The following SGMS1 variants were observed in gnomAD, a reference collection of about 807,000 sequenced individuals.
SGMS1 encodes sphingomyelin synthase 1.
SGMS1 carries 13 observed loss-of-function variants against 46.2 expected under a neutral mutation model. The ratio of observed to expected loss-of-function variants is 0.28; its 90% CI spans 0.18 to 0.45. The LOEUF (loss-of-function observed/expected upper bound fraction) is 0.45. Among genes scored for constraint, SGMS1 ranks in the 20% least tolerant of loss-of-function variants. SGMS1 has a pLI of 1.00. For synonymous variants in SGMS1, 203 were observed against 187.8 expected, an observed-to-expected ratio of 1.08 and a Z score of -0.66; for missense variants, 324 against 519.9, an observed-to-expected ratio of 0.62 and a Z score of 3.66.
chr10:50,429,457 A>G (rs1339059327), intron 6 of SGMS1, among the ~76,000 whole-genome samples: 1 of 152,184 alleles, frequency 6.6e-6, no homozygotes, highest in African/African-American at 2.4e-5. Context: ...TTGACACAAC[A>G]ACAATATTGC....
intron 6 of SGMS1, among the ~76,000 whole-genome samples, chr10:50,394,743 C>T (rs1233178987): frequency 1.3e-5 from 2 of 152,228 alleles, no homozygotes; most frequent in Admixed American, 1.3e-4. Flanking sequence ...TTTACAATGA[C>T]TTTCAGGCTG....
chr10:50,364,920 C>A (rs1342615940), intron 6 of SGMS1, among the ~76,000 whole-genome samples: 1 of 152,050 alleles, frequency 6.6e-6, no homozygotes, highest in African/African-American at 2.4e-5. Flanking sequence ...AACCTGAGGA[C>A]TTTGGAAGGC....
In SGMS1 at chr10:50,527,088, AAG is replaced by A. The variant is rs1350524825; in HGVS notation, c.-588-7169_-588-7168del. ...CAAAAAAAAAAAAAAAAAAAAAAAA[AAG>A]AAAGAAAGAAAAGAAAAAGAACTGG... On this transcript the variant is annotated intron_variant, in intron 2 of 10. Coordinates refer to ENST00000361781, the MANE Select transcript of SGMS1 (RefSeq NM_147156.4). Among the ~76,000 whole-genome samples the A allele has an allele frequency of 2.4e-4, 34 of 140,526 alleles. 1 individual carries two copies. Among genetic ancestry groups the A allele is most frequent in the African/African-American group, 8.9e-4 (29 of 32,608 alleles). The allele number at this position is 140,526 out of a possible 152,430, so 92.2% of individuals were successfully genotyped here. A position where few individuals can be genotyped will look rare whatever the true frequency, so the allele number is the denominator to read the frequency against.
chr10:50,327,001 A>AAAC (rs11270643), intron 8 of SGMS1, among the ~76,000 whole-genome samples: 1 of 22,414 alleles, frequency 4.5e-5, no homozygotes, highest in African/African-American at 9.5e-4. Flanking sequence ...TCCAACACAC[A>AAAC]TTTCCCCAGT....
At chr10:50,309,557 C>G (rs1301849725) in intron 9 of SGMS1, among the ~76,000 whole-genome samples, 1 of 152,162 alleles carries the variant, frequency 6.6e-6, no homozygotes, top group African/African-American at 2.4e-5. Flanking sequence ...AATCCCTCCC[C>G]CAGGGGTGCT....
At chr10:50,460,066 C>G (rs1837245479) in intron 5 of SGMS1, 1 of 152,060 alleles carries the variant, frequency 6.6e-6, no homozygotes, top group East Asian at 1.9e-4. Flanking sequence ...GCATCCAAAG[C>G]CAGACATCCA....
chr10:50,588,006 G>A (rs1414102429), intron 2 of SGMS1, among the ~76,000 whole-genome samples: 2 of 152,028 alleles, frequency 1.3e-5, no homozygotes, highest in Admixed American at 6.6e-5. Flanking sequence ...GGACTAGACA[G>A]GACCCCATAT....
intron 2 of SGMS1, among the ~76,000 whole-genome samples, chr10:50,545,027 G>A (rs920367928): frequency 6.6e-6 from 1 of 152,194 alleles, no homozygotes; most frequent in African/African-American, 2.4e-5. Context: ...CTGTTGCTCT[G>A]AGGTGAAAAT....
intron 2 of SGMS1, among the ~76,000 whole-genome samples, chr10:50,573,429 CATTTACAGT>C (rs1222044553): frequency 6.6e-6 from 1 of 152,148 alleles, no homozygotes; most frequent in Non-Finnish European, 1.5e-5. Flanking sequence ...AAGAACAACT[CATTTACAGT>C]AGCACCAAAT....
chr10:50,438,262 C>T (rs1849499685), intron 5 of SGMS1, among the ~76,000 whole-genome samples: 1 of 152,136 alleles, frequency 6.6e-6, no homozygotes, highest in Non-Finnish European at 1.5e-5. Context: ...TAGAATAAGG[C>T]AAAAATGACA....
intron 6 of SGMS1, among the ~76,000 whole-genome samples, chr10:50,357,782 A>G (rs1848177457): frequency 6.6e-6 from 1 of 152,242 alleles, no homozygotes; most frequent in East Asian, 1.9e-4. Flanking sequence ...GAAATTAATA[A>G]TTTAATTTTT....
intron 6 of SGMS1, among the ~76,000 whole-genome samples, chr10:50,382,499 C>G (rs762589785): frequency 6.6e-6 from 1 of 150,448 alleles, no homozygotes; most frequent in Admixed American, 6.7e-5. Context: ...TTTTTATAAT[C>G]AATAAAAAGC....
At chr10:50,465,339 T>G (rs577147242) in intron 4 of SGMS1, among the ~76,000 whole-genome samples, 2 of 151,932 alleles carry the variant, frequency 1.3e-5, no homozygotes, top group Non-Finnish European at 2.9e-5. Context: ...AACATTAAAA[T>G]CAGGGATCAA....
intron 3 of SGMS1, among the ~76,000 whole-genome samples, chr10:50,511,881 T>C (rs1425755429): frequency 1.3e-5 from 2 of 152,172 alleles, no homozygotes; most frequent in Non-Finnish European, 2.9e-5. Flanking sequence ...GTCATTAATC[T>C]CTAATGCTAT....
intron 2 of SGMS1, among the ~76,000 whole-genome samples, chr10:50,524,146 AC>A (rs1193382689): frequency 1.3e-5 from 2 of 152,172 alleles, no homozygotes; most frequent in Non-Finnish European, 2.9e-5. Context: ...GTCCTTTTGT[AC>A]CCCTCACTGT....
At chr10:50,320,432 C>G (rs773825163) in intron 8 of SGMS1, among the ~76,000 whole-genome samples, 15 of 152,300 alleles carry the variant, frequency 9.8e-5, no homozygotes, top group Non-Finnish European at 1.9e-4. Context: ...AAAACAGGTG[C>G]ATATAATTTG....
intron 6 of SGMS1, among the ~76,000 whole-genome samples, chr10:50,355,340 T>C (rs891432402): frequency 6.6e-6 from 1 of 152,220 alleles, no homozygotes; most frequent in Non-Finnish European, 1.5e-5. Flanking sequence ...GGCTGGACTG[T>C]ACTGCCGCCA....
chr10:50,377,150 G>T (rs984955463), intron 6 of SGMS1, among the ~76,000 whole-genome samples: 1 of 152,196 alleles, frequency 6.6e-6, no homozygotes, highest in Non-Finnish European at 1.5e-5. Context: ...TCTGGAAACT[G>T]GGAAGTCCAA....
intron 8 of SGMS1, among the ~76,000 whole-genome samples, chr10:50,315,178 G>A (rs1047063958): frequency 6.6e-6 from 1 of 152,166 alleles, no homozygotes; most frequent in Non-Finnish European, 1.5e-5. Flanking sequence ...AGTAAGTCTA[G>A]ATTGTAAGCA....
Sources: gnomAD v4.1 joint callset for allele counts (sites outside exome capture counted in the v4.1 genomes callset) on GRCh38, gnomAD v4.1.1 for gene constraint, MANE v1.5 for transcripts, NCBI Gene and HGNC (gene_info 2026-07-23, HGNC 2026-07-21) for gene names.